ABCC3: variants seen among roughly 807,000 people sequenced by gnomAD.
ABCC3 encodes the protein ATP-binding cassette sub-family C member 3.
In ABCC3, 121 loss-of-function variants were observed where a neutral mutation model predicts 165.3. That is an observed-to-expected ratio of 0.73 (90% CI 0.63 to 0.85). The LOEUF is 0.85. Among genes scored for constraint, ABCC3 ranks in the 40% least tolerant of loss-of-function variants. The pLI is 0.00. For synonymous variants in ABCC3, 733 were observed against 810.1 expected (o/e 0.90, Z 1.62); for missense variants, 1,869 against 1,964.1 (o/e 0.95, Z 0.92).
At position 50,675,973 on chromosome 17, in the gene ABCC3, G is replaced by T. The variant is rs745757614; in HGVS notation, c.2950G>T (p.Ala984Ser). Residue 984 changes from alanine (A) to serine (S), a missense_variant, in exon 22 of 31, where the codon GCT becomes TCT. By Grantham distance (99) the Ala-to-Ser change is moderately conservative. Coordinates refer to ENST00000285238, the MANE Select transcript of ABCC3 (RefSeq NM_003786.4). ...ICLLYVGQSAAAIGANVWLSA... is the reference protein window; with the variant it reads ...ICLLYVGQSASAIGANVWLSA... The stretch of plus-strand genomic sequence containing the variant: ...TCTCCTGTATGTGGGTCAAAGTGCG[G>T]CTGCCATTGGAGCCAATGTGTGGCT... 6.2e-7 allele frequency: 1 copy of T among 1,614,158 alleles called. No homozygotes were observed. The highest frequency in any genetic ancestry group is 1.7e-5 in the Admixed American group (1 of 60,022).
chr17:50,668,550 CA>C (rs753345200), intron 14 of ABCC3, 33 bp downstream of exon 14: 3 of 1,531,126 alleles, frequency 2.0e-6, no homozygotes, highest in Middle Eastern at 1.7e-4. Context: ...CTGCCTGCCC[CA>C]GTCCTTGCTC....
chr17:50,649,319 A>G (rs1967065205), intron 1 of ABCC3, among the ~76,000 whole-genome samples: 1 of 152,150 alleles, frequency 6.6e-6, no homozygotes, highest in African/African-American at 2.4e-5. Flanking sequence ...ATTGATGTAT[A>G]GAAACAGCTT....
At position 50,651,448 on chromosome 17, in the gene ABCC3, C is replaced by T. The variant is rs147267376; in HGVS notation, c.46-4384C>T. Among the ~76,000 whole-genome samples, 14 of 152,218 alleles carry T rather than the reference C, an allele frequency of 9.2e-5. No individual in the cohort carries two copies. The East Asian group carries it at 2.5e-3, about 27-fold the overall frequency. On this transcript the variant is annotated intron_variant, in intron 1 of 30. Transcript: ENST00000285238. ...GTGTTAAAACCTTCTGGTGGCTGAG[C>T]GTGGTGGCTCACGCCTGTAATCCTA...
rs1378575115 is a variant in ABCC3 at position 50,663,733 on chromosome 17, C to G, written c.1051C>G (p.Leu351Val). ...CATGGCCCCCTCCTGGTGGGGCTTCCTGGTGGCTGGGCTGATGTTCCTGTG... is the reference window on the plus strand; with the variant it reads ...CATGGCCCCCTCCTGGTGGGGCTTCGTGGTGGCTGGGCTGATGTTCCTGTG... ...NPMAPSWWGF[L>V]VAGLMFLCSM... is the part of the protein sequence containing the mutation. Residue 351 changes from leucine to valine, a missense_variant, in exon 9 of 31, where the codon CTG becomes GTG. Leu to Val is a conservative substitution (Grantham distance 32). Transcript: ENST00000285238. 7 of 1,614,084 alleles carry G rather than the reference C, an allele frequency of 4.3e-6. No homozygotes were observed. The highest frequency in any genetic ancestry group is 3.3e-5 in the Admixed American group (2 of 60,008).
chr17:50,663,508 C>T (rs551531269), intron 8 of ABCC3, 173 bp from the exon 9 acceptor site: 3 of 655,612 alleles, frequency 4.6e-6, no homozygotes, highest in Non-Finnish European at 5.2e-6. Flanking sequence ...GCCAGGAGGT[C>T]GTGGTCTTGA....
In ABCC3 at chr17:50,691,515, C is replaced by G. The variant is rs1968123156; in HGVS notation, c.*315C>G. On this transcript the variant is annotated 3_prime_UTR_variant, in exon 31 of 31. Coordinates refer to ENST00000285238, the MANE Select transcript of ABCC3 (RefSeq NM_003786.4). ...ACGATTTTATGAAATGACCTCTGTC[C>G]TCCCTCTGATTTTTCATATTTTCTA... The G allele has an allele frequency of 4.5e-6, 1 of 223,424 alleles. No individual in the cohort carries two copies. Among genetic ancestry groups the G allele is most frequent in the African/African-American group, 2.3e-5 (1 of 43,968 alleles). The allele number at this position is 223,424 out of a possible 1,614,324, so 13.8% of individuals were successfully genotyped here.
intron 19 of ABCC3, among the ~76,000 whole-genome samples, chr17:50,674,730 A>T (rs1048027257): frequency 2.0e-5 from 3 of 150,740 alleles, no homozygotes; most frequent in Non-Finnish European, 2.9e-5. Flanking sequence ...TGCCTTGAGC[A>T]TTTACCAAGT....
intron 1 of ABCC3, among the ~76,000 whole-genome samples, chr17:50,648,207 T>C (rs1194711818): frequency 1.3e-5 from 2 of 152,116 alleles, no homozygotes; most frequent in Non-Finnish European, 2.9e-5. Context: ...GACAAGATAT[T>C]AACACCTTTT....
chr17:50,685,112 C>T (rs1449140600), intron 29 of ABCC3, among the ~76,000 whole-genome samples: 8 of 152,220 alleles, frequency 5.3e-5, no homozygotes, highest in Non-Finnish European at 1.2e-4. Context: ...AACTGAGGCT[C>T]AGAGATGGTA....
At chr17:50,672,864 T>C in intron 17 of ABCC3, 107 bp from the exon 18 acceptor site, 2 of 1,001,390 alleles carry the variant, frequency 2.0e-6, no homozygotes, top group East Asian at 5.2e-5. Flanking sequence ...TGAGACCCCA[T>C]CTCAGGAAAA....
chr17:50,662,009 G>A (rs1259334021), intron 8 of ABCC3: 2 of 152,250 alleles, frequency 1.3e-5, no homozygotes, highest in Non-Finnish European at 2.9e-5. Flanking sequence ...CGAGAGGGAG[G>A]GGCAGGAAAA....
intron 2 of ABCC3, 63 bp downstream of exon 2, chr17:50,656,071 T>A (rs1967235858): frequency 1.6e-6 from 2 of 1,239,922 alleles, no homozygotes; most frequent in Non-Finnish European, 2.1e-6. Context: ...TTTTATTTTT[T>A]AATTTAATTA....
chr17:50,655,488 C>A (rs1294095273), intron 1 of ABCC3, among the ~76,000 whole-genome samples: 1 of 149,708 alleles, frequency 6.7e-6, no homozygotes, highest in East Asian at 2.0e-4. Flanking sequence ...GAGGGATGAA[C>A]TGCAGAGGAC....
In ABCC3 at chr17:50,656,007, T is replaced by A. The variant is rs1170079118; in HGVS notation, c.221T>A (p.Met74Lys). Reference protein sequence around the residue: ...IILSHLSKLKMVLGVLLWCVS... With the variant: ...IILSHLSKLKKVLGVLLWCVS... ...CTCTCCCACCTGTCCAAGCTCAAGA[T>A]GGTCAGTGGCTCAGGGATCTCCTAC... Residue 74 changes from methionine to lysine, a missense_variant and splice_region_variant, in exon 2 of 31, where the codon ATG (methionine) becomes AAG (lysine). By Grantham distance (95) the Met-to-Lys change is moderately conservative. Transcript: ENST00000285238. The A allele has an allele frequency of 6.2e-7, 1 of 1,613,594 alleles. No individual in the cohort carries two copies. Among genetic ancestry groups the A allele is most frequent in the South Asian group, 1.1e-5 (1 of 91,016 alleles).
At chr17:50,638,252 G>A (rs1319550570) in intron 1 of ABCC3, among the ~76,000 whole-genome samples, 3 of 152,196 alleles carry the variant, frequency 2.0e-5, no homozygotes, top group Non-Finnish European at 4.4e-5. Flanking sequence ...CCTGGGTGGT[G>A]AAGGGAGTAT....
At chr17:50,667,803 T>A (rs759625404) in intron 12 of ABCC3, 46 bp downstream of exon 12, 1 of 1,613,628 alleles carries the variant, frequency 6.2e-7, no homozygotes, top group East Asian at 2.2e-5. Flanking sequence ...GGGCTCTGGG[T>A]GCCCAGGCAT....
intron 1 of ABCC3, among the ~76,000 whole-genome samples, chr17:50,640,753 C>T (rs909580436): frequency 3.3e-5 from 5 of 152,176 alleles, no homozygotes; most frequent in Non-Finnish European, 7.3e-5. Context: ...AGACTCCTGA[C>T]CTCAGGGGAC....
At chr17:50,676,705 G>C (rs1967822593) in intron 23 of ABCC3, 117 bp downstream of exon 23, 1 of 1,005,708 alleles carries the variant, frequency 9.9e-7, no homozygotes, top group East Asian at 2.6e-5. Context: ...GTTTTGTTAG[G>C]GGCAGTCGTT....
At chr17:50,665,780 A>T (rs1414598760) in intron 11 of ABCC3, among the ~76,000 whole-genome samples, 1 of 142,686 alleles carries the variant, frequency 7.0e-6, no homozygotes, top group Non-Finnish European at 1.5e-5. Context: ...TTATTTTTGT[A>T]TTTTTTTTTT....
Sources: gnomAD v4.1 joint callset for allele counts (sites outside exome capture counted in the v4.1 genomes callset) on GRCh38, gnomAD v4.1.1 for gene constraint, MANE v1.5 for transcripts, NCBI Gene and HGNC (gene_info 2026-07-23, HGNC 2026-07-21) for gene names.